The following FAT3 variants were observed in gnomAD, a reference collection of about 807,000 sequenced individuals.
The protein encoded by FAT3 is protocadherin Fat 3.
A neutral mutation model predicts 310.2 loss-of-function variants in FAT3; 95 were observed. The observed-to-expected ratio is 0.31, with a 90% CI of 0.26 to 0.36. The LOEUF (loss-of-function observed/expected upper bound fraction) is 0.36, where lower values mean the gene tolerates loss of function less well. Among genes scored for constraint, FAT3 ranks in the 10% least tolerant of loss-of-function variants. The pLI, the probability that FAT3 is intolerant of heterozygous loss-of-function variation, is 1.00. For missense variants in FAT3, 5,408 were observed against 5,715.6 expected (o/e 0.95, Z 1.74); for synonymous variants, 2,314 against 2,192.9 (o/e 1.06, Z -1.54).
chr11:92,287,117 C>T (rs1186664734), intron 1 of FAT3, among the ~76,000 whole-genome samples: 2 of 152,066 alleles, frequency 1.3e-5, no homozygotes, highest in Non-Finnish European at 2.9e-5. Flanking sequence ...ATTTTAAGTG[C>T]TTTGCAGGTG....
At chr11:92,265,032 G>GA (rs202056896) in intron 1 of FAT3, among the ~76,000 whole-genome samples, 171 of 149,926 alleles carry the variant, frequency 1.1e-3, no homozygotes, top group Middle Eastern at 3.4e-3. Context: ...AAAAAAGGTT[G>GA]AAAAAAAAAC....
At chr11:92,308,753 T>G (rs1947206589) in intron 1 of FAT3, among the ~76,000 whole-genome samples, 1 of 152,194 alleles carries the variant, frequency 6.6e-6, no homozygotes. Context: ...TTCTTAAATA[T>G]GTTCAGCCAA....
intron 9 of FAT3, among the ~76,000 whole-genome samples, chr11:92,793,220 T>G (rs1163914963): frequency 6.6e-6 from 1 of 152,170 alleles, no homozygotes; most frequent in Non-Finnish European, 1.5e-5. Flanking sequence ...TGGATTTTTC[T>G]TGGATAGAGA....
intron 13 of FAT3, among the ~76,000 whole-genome samples, chr11:92,825,957 A>G (rs943817047): frequency 6.6e-6 from 1 of 152,164 alleles, no homozygotes; most frequent in Non-Finnish European, 1.5e-5. Flanking sequence ...TTAGAAGGTG[A>G]CATGCAGAAA....
At position 92,227,059 on chromosome 11, in the gene FAT3, T is replaced by C. The variant is rs551610570; in HGVS notation, c.-18+1885T>C. On this transcript the variant is annotated intron_variant, in intron 1 of 27. Transcript: ENST00000525166. ...GCGCCCAGGGGGAGGGGGCGAGCTG[T>C]CTGGGCAGTGCCTGGGGAGGTGCGA... Among the ~76,000 whole-genome samples, 32 of 152,294 alleles carry C rather than the reference T, an allele frequency of 2.1e-4. No homozygotes were observed. The South Asian group carries it at 6.2e-3, about 30-fold the overall frequency.
chr11:92,520,129 C>T lies in FAT3; in HGVS notation c.3293-4505C>T, dbSNP rs527549555. ...AGTGGTTAAAAAAATAATGCTGTAC[C>T]GACACAATGGAATATTACTAAGAAA... On this transcript the variant is annotated intron_variant, in intron 2 of 27. Transcript: ENST00000525166. Among the ~76,000 whole-genome samples, 176 of 151,742 alleles carry T rather than the reference C, an allele frequency of 1.2e-3. 1 individual carries two copies. The highest frequency in any genetic ancestry group is 1.4e-3 in the Non-Finnish European group (97 of 67,964).
chr11:92,482,326 A>G (rs1348444755), intron 2 of FAT3, among the ~76,000 whole-genome samples: 5 of 152,178 alleles, frequency 3.3e-5, no homozygotes, highest in African/African-American at 1.2e-4. Context: ...TAATAGCAGT[A>G]GCCATTGGTA....
chr11:92,771,855 G>C (rs1946466471), intron 6 of FAT3, among the ~76,000 whole-genome samples: 1 of 151,870 alleles, frequency 6.6e-6, no homozygotes, highest in Non-Finnish European at 1.5e-5. Flanking sequence ...ATATGTAAAT[G>C]TTATACCACT....
intron 4 of FAT3, among the ~76,000 whole-genome samples, chr11:92,707,235 C>A (rs1049209580): frequency 5.9e-5 from 9 of 152,220 alleles, no homozygotes; most frequent in African/African-American, 1.9e-4. Context: ...GAGGTCCTTC[C>A]ACCCAGTGGC....
chr11:92,729,080 A>G (rs1195226866), intron 4 of FAT3, among the ~76,000 whole-genome samples: 1 of 152,202 alleles, frequency 6.6e-6, no homozygotes, highest in African/African-American at 2.4e-5. Context: ...AAGGGGCCCA[A>G]GTCTTTGCTT....
At chr11:92,508,683 T>G (rs2135301004) in intron 2 of FAT3, among the ~76,000 whole-genome samples, 1 of 152,274 alleles carries the variant, frequency 6.6e-6, no homozygotes, top group African/African-American at 2.4e-5. Context: ...TCATTTCACT[T>G]TAGGGAACCT....
chr11:92,645,608 T>C (rs1942127676), intron 3 of FAT3, among the ~76,000 whole-genome samples: 1 of 152,216 alleles, frequency 6.6e-6, no homozygotes, highest in Non-Finnish European at 1.5e-5. Flanking sequence ...GTCTACTAAA[T>C]GCTTGGATTC....
At position 92,799,958 on chromosome 11, in the gene FAT3, C is replaced by T. The variant is rs1947288583; in HGVS notation, c.6945C>T (p.Asp2315=). 1.2e-6 allele frequency: 2 copies of T among 1,612,850 alleles called. No homozygotes were observed. The part of the protein sequence containing the change: ...PVLQVVSIDA[D]SENNKMVHYQ... ...TACAAGTTGTCTCTATTGATGCAGA[C>T]TCAGAAAACAATAAAATGGTACATT... The change falls in exon 10 of 28, where the codon GAC becomes GAT. Residue 2315 remains aspartate, a synonymous_variant. Transcript: ENST00000525166.
chr11:92,372,753 C>T (rs1026425162), intron 2 of FAT3, among the ~76,000 whole-genome samples: 19 of 152,138 alleles, frequency 1.2e-4, no homozygotes, highest in South Asian at 6.2e-4. Context: ...CTCTGCCTCC[C>T]GGGTTCATGC....
chr11:92,427,749 T>C (rs1157858197), intron 2 of FAT3, among the ~76,000 whole-genome samples: 1 of 152,206 alleles, frequency 6.6e-6, no homozygotes, highest in Non-Finnish European at 1.5e-5. Flanking sequence ...AGCTTTTTAA[T>C]GTACTCCTGG....
intron 1 of FAT3, among the ~76,000 whole-genome samples, chr11:92,322,686 A>G (rs1947654577): frequency 6.6e-6 from 1 of 152,250 alleles, no homozygotes; most frequent in Non-Finnish European, 1.5e-5. Flanking sequence ...GGAATAGATT[A>G]TATCGGAAGA....
chr11:92,670,373 C>A (rs999982302), intron 3 of FAT3, among the ~76,000 whole-genome samples: 2 of 152,180 alleles, frequency 1.3e-5, no homozygotes, highest in African/African-American at 4.8e-5. Context: ...AGAGCCTATC[C>A]CTATCCAATT....
At chr11:92,654,504 C>T (rs1263300126) in intron 3 of FAT3, among the ~76,000 whole-genome samples, 1 of 152,214 alleles carries the variant, frequency 6.6e-6, no homozygotes, top group African/African-American at 2.4e-5. Flanking sequence ...GTGCTACCGT[C>T]TGCCTAGCTA....
intron 1 of FAT3, among the ~76,000 whole-genome samples, chr11:92,310,451 C>T (rs111549713): frequency 0.026 from 3,991 of 151,994 alleles, 189 homozygotes; most frequent in African/African-American, 0.092. Context: ...ATGTACTGAA[C>T]CACAGGCAAA....
Sources: allele counts gnomAD v4.1 joint callset (sites outside exome capture counted in the v4.1 genomes callset), GRCh38; gene constraint gnomAD v4.1.1; transcripts MANE v1.5; gene names NCBI Gene and HGNC (gene_info 2026-07-23, HGNC 2026-07-21).